The following FCER1A variants were observed in gnomAD, a reference collection of about 807,000 sequenced individuals.
FCER1A encodes the protein high affinity immunoglobulin epsilon receptor subunit alpha.
FCER1A carries 24 observed loss-of-function variants against 23.6 expected under a neutral mutation model. The observed-to-expected ratio is 1.02, with a 90% CI of 0.74 to 1.43. FCER1A has a LOEUF of 1.43. Among genes scored for constraint, FCER1A ranks in the 40% most tolerant of loss-of-function variants. FCER1A has a pLI of 0.00. For synonymous variants in FCER1A, 121 were observed against 108.8 expected, an observed-to-expected ratio of 1.11 and a Z score of -0.70; for missense variants, 318 against 294.5, an observed-to-expected ratio of 1.08 and a Z score of -0.58.
intron 4 of FCER1A, 141 bp downstream of exon 4, chr1:159,306,386 G>A: frequency 1.4e-6 from 1 of 704,628 alleles, no homozygotes; most frequent in Non-Finnish European, 2.3e-6. Flanking sequence ...AGGAGACCTG[G>A]GTGATAGTAT....
At chr1:159,286,433 T>C (rs372664020), upstream of FCER1A, among the ~76,000 whole-genome samples, 331 of 151,530 alleles carry the variant, frequency 2.2e-3, 3 homozygotes, top group Admixed American at 3.8e-3. Flanking sequence ...CCCGGGTTCA[T>C]GCCATTCTCC....
upstream of FCER1A, among the ~76,000 whole-genome samples, chr1:159,286,519 G>C (rs868108739): frequency 6.6e-6 from 1 of 151,786 alleles, no homozygotes; most frequent in East Asian, 2.0e-4. Flanking sequence ...TTTTTAGTAG[G>C]GACAGGGTTT....
upstream of FCER1A, among the ~76,000 whole-genome samples, chr1:159,299,040 T>G (rs1557968381): frequency 6.6e-6 from 1 of 152,222 alleles, no homozygotes; most frequent in African/African-American, 2.4e-5. Flanking sequence ...CAAATTCTAA[T>G]TCCTTTACAT....
chr1:159,305,739 T>G (rs1557970250), intron 3 of FCER1A, among the ~76,000 whole-genome samples: 2 of 152,150 alleles, frequency 1.3e-5, no homozygotes, highest in Non-Finnish European at 2.9e-5. Flanking sequence ...ATGTATGGAC[T>G]CATCAGGGAG....
At chr1:159,297,483 A>G (rs1201700939), upstream of FCER1A, among the ~76,000 whole-genome samples, 2 of 152,282 alleles carry the variant, frequency 1.3e-5, no homozygotes, top group East Asian at 3.9e-4. Flanking sequence ...GAAAACTAGT[A>G]TATGTTCTGT....
Position 159,304,071 on chromosome 1 carries a change from A to G in FCER1A, c.220A>G (p.Thr74Ala). ...CCACAATGGCAGCCTTTCAGAAGAG[A>G]CAAATTCAAGTTTGAATATTGTGAA... The part of the protein sequence containing the change: ...WFHNGSLSEE[T>A]NSSLNIVNAK... Residue 74 changes from threonine (T) to alanine (A), a missense_variant, in exon 3 of 5, where the codon ACA becomes GCA. Physicochemically the swap from Thr to Ala is moderately conservative, Grantham distance 58 (BLOSUM62 0). Transcript: ENST00000693622. The G allele has an allele frequency of 6.2e-7, 1 of 1,614,164 alleles. No homozygotes were observed. Among genetic ancestry groups the G allele is most frequent in the Non-Finnish European group, 8.5e-7 (1 of 1,180,016 alleles).
intron 3 of FCER1A, 62 bp from the exon 4 acceptor site, chr1:159,305,926 C>G: frequency 1.4e-6 from 2 of 1,456,322 alleles, no homozygotes; most frequent in Non-Finnish European, 1.9e-6. Flanking sequence ...GCTCTCTTTT[C>G]TCTATTCATT....
In FCER1A at chr1:159,293,154, T is replaced by C. The variant is rs118011213; in HGVS notation, c.-60+3401T>C. The stretch of plus-strand genomic sequence containing the variant: ...TCAAACTGTATTAAGCAGGGGAATA[T>C]ATATACATACACACTGTGTGTGTGT... On this transcript the variant is annotated intron_variant, in intron 1 of 5. Coordinates refer to the FCER1A transcript ENST00000368115. Among the ~76,000 whole-genome samples the C allele has an allele frequency of 2.1e-3, 303 of 147,248 alleles. 2 individuals carry two copies. The highest frequency in any genetic ancestry group is 0.015 in the East Asian group (74 of 4,926).
At chr1:159,297,831 G>C (rs1571078399), upstream of FCER1A, among the ~76,000 whole-genome samples, 3 of 152,122 alleles carry the variant, frequency 2.0e-5, no homozygotes, top group African/African-American at 4.8e-5. Context: ...ACTTGAGCCT[G>C]GCAGTCCGAG....
At chr1:159,307,511 A>G (rs530230801) in intron 4 of FCER1A, among the ~76,000 whole-genome samples, 2 of 152,272 alleles carry the variant, frequency 1.3e-5, no homozygotes, top group South Asian at 2.1e-4. Context: ...GGCACGGCAC[A>G]CTGGCTACTG....
chr1:159,291,369 T>C (rs1414380192), intron 1 of FCER1A, among the ~76,000 whole-genome samples: 1 of 152,214 alleles, frequency 6.6e-6, no homozygotes, highest in Non-Finnish European at 1.5e-5. Context: ...GTTCATTTGG[T>C]AGAAATACTA....
chr1:159,303,262 G>A (rs1474817589), intron 2 of FCER1A, among the ~76,000 whole-genome samples: 3 of 151,978 alleles, frequency 2.0e-5, no homozygotes, highest in Non-Finnish European at 2.9e-5. Flanking sequence ...TAAGTTCCTT[G>A]GATCTAAGTC....
upstream of FCER1A, among the ~76,000 whole-genome samples, chr1:159,287,696 T>A (rs896584500): frequency 3.4e-5 from 5 of 148,118 alleles, no homozygotes; most frequent in Non-Finnish European, 6.0e-5. Flanking sequence ...TCATATATTG[T>A]ATATTATATA....
At chr1:159,292,544 A>G (rs1350348982) in intron 1 of FCER1A, among the ~76,000 whole-genome samples, 2 of 152,092 alleles carry the variant, frequency 1.3e-5, no homozygotes, top group African/African-American at 2.4e-5. Context: ...TAGACTATCT[A>G]TCATCATATT....
rs563285584 is a variant in FCER1A, at chr1:159,302,855, T to C, written c.57T>C (p.Ala19=). Residue 19 remains alanine (A), a splice_region_variant and synonymous_variant, in exon 2 of 5, where the codon GCT becomes GCC. Transcript: ENST00000693622. The part of the protein sequence containing the change: ...TLLCVALLFF[A]PDGVLAVPQK... ...TGTATCCTCTCTGGACTTTTGCAGC[T>C]CCAGATGGCGTGTTAGCAGGTGAGT... 1 of 1,613,986 alleles carries C rather than the reference T, an allele frequency of 6.2e-7. No homozygotes were observed. Among genetic ancestry groups the C allele is most frequent in the Non-Finnish European group, 8.5e-7 (1 of 1,179,830 alleles).
At chr1:159,296,419 T>C (rs935841767) in intron 1 of FCER1A, among the ~76,000 whole-genome samples, 1 of 152,208 alleles carries the variant, frequency 6.6e-6, no homozygotes, top group Non-Finnish European at 1.5e-5. Flanking sequence ...AATAAGGTAT[T>C]GGTGACACAA....
upstream of FCER1A, among the ~76,000 whole-genome samples, chr1:159,301,145 G>A (rs1652421292): frequency 6.6e-6 from 1 of 152,160 alleles, no homozygotes. Flanking sequence ...GGAAGAGCAA[G>A]GTATGATAGA....
At chr1:159,302,820 T>A (rs758933299) in intron 1 of FCER1A, 34 bp from the exon 2 acceptor site, 1 of 1,605,998 alleles carries the variant, frequency 6.2e-7, no homozygotes, top group Non-Finnish European at 8.5e-7. Flanking sequence ...AGAAGACTGC[T>A]GGACACTAAT....
chr1:159,296,934 G>A (rs190022558), intron 1 of FCER1A, among the ~76,000 whole-genome samples: 83 of 152,124 alleles, frequency 5.5e-4, no homozygotes, highest in African/African-American at 1.9e-3. Context: ...GAAACACACG[G>A]GTCACAGAAC....
Sources: gnomAD v4.1 joint callset for allele counts (sites outside exome capture counted in the v4.1 genomes callset) on GRCh38, gnomAD v4.1.1 for gene constraint, MANE v1.5 for transcripts, NCBI Gene and HGNC (gene_info 2026-07-23, HGNC 2026-07-21) for gene names.